The following BRINP2 variants were observed in gnomAD, a reference collection of about 807,000 sequenced individuals.
BRINP2 encodes the protein BMP/retinoic acid inducible neural specific 2, also known as BMP/retinoic acid-inducible neural-specific protein 2.
Under a neutral mutation model 69.2 loss-of-function variants are expected in BRINP2, and 21 were observed. The ratio of observed to expected loss-of-function variants is 0.30; its 90% CI spans 0.22 to 0.44. The LOEUF (loss-of-function observed/expected upper bound fraction) is 0.44, where lower values mean the gene tolerates loss of function less well. BRINP2 is among the 20% of genes least tolerant of loss of function. The probability of loss-of-function intolerance (pLI) is 1.00; values close to 1 mark genes in which losing one functional copy is unlikely to be tolerated. For missense variants in BRINP2, 877 were observed against 986.0 expected (o/e 0.89, Z 1.48); for synonymous variants, 380 against 394.1 (o/e 0.96, Z 0.42).
Position 177,229,831 on chromosome 1 carries a change from G to C in BRINP2, c.-46G>C, listed in dbSNP as rs752035032. On this transcript the variant is annotated 5_prime_UTR_variant, in exon 2 of 8. Coordinates refer to ENST00000361539, the MANE Select transcript of BRINP2 (RefSeq NM_021165.4). ...AGCCCTGGAGGAGCAGCACGGAGCGGGAGAGCGTGGCGAGAGAATGAAGAA... is the reference window on the plus strand; with the variant it reads ...AGCCCTGGAGGAGCAGCACGGAGCGCGAGAGCGTGGCGAGAGAATGAAGAA... 33 of 1,540,688 alleles carry C rather than the reference G, an allele frequency of 2.1e-5. No homozygotes were observed. The highest frequency in any genetic ancestry group is 1.1e-4 in the East Asian group (5 of 43,898).
At chr1:177,237,206 C>A (rs550131378) in intron 2 of BRINP2, among the ~76,000 whole-genome samples, 4 of 152,278 alleles carry the variant, frequency 2.6e-5, no homozygotes, top group South Asian at 4.1e-4. Flanking sequence ...CACACTTGAT[C>A]CTCTCTCAAG....
intron 1 of BRINP2, among the ~76,000 whole-genome samples, chr1:177,215,309 A>AAAATTGG (rs2102313794): frequency 6.6e-6 from 1 of 152,344 alleles, no homozygotes; most frequent in East Asian, 1.9e-4. Context: ...GGATTCTGAT[A>AAAATTGG]GAAATTTTAC....
At chr1:177,244,568 T>C (rs1269225769) in intron 2 of BRINP2, among the ~76,000 whole-genome samples, 1 of 152,210 alleles carries the variant, frequency 6.6e-6, no homozygotes, top group Non-Finnish European at 1.5e-5. Flanking sequence ...AGACAGAGAC[T>C]GCAGTGAGCC....
chr1:177,199,801 C>T (rs1648849179), intron 1 of BRINP2, among the ~76,000 whole-genome samples: 1 of 152,104 alleles, frequency 6.6e-6, no homozygotes, highest in Non-Finnish European at 1.5e-5. Flanking sequence ...TAGCCAAACT[C>T]CTTTCTTTTC....
chr1:177,280,880 G>A lies in BRINP2; in HGVS notation c.1704G>A (p.Leu568=), dbSNP rs1651676830. Residue 568 remains leucine (L), a synonymous_variant, in exon 8 of 8, where the codon TTG becomes TTA. Transcript: ENST00000361539. ...KYKPGLVHVM[L]ALSLQICLTK... ...AGCCTGGGCTGGTGCACGTGATGTT[G>A]GCCTTGTCCTTGCAGATCTGTCTCA... is the stretch of plus-strand genomic sequence containing the variant. 2 of 1,614,048 alleles carry A rather than the reference G, an allele frequency of 1.2e-6. No homozygotes were observed. Among genetic ancestry groups the A allele is most frequent in the African/African-American group, 2.7e-5 (2 of 74,932 alleles).
chr1:177,235,971 C>T lies in BRINP2; in HGVS notation c.269+5826C>T, dbSNP rs1879564. Among the ~76,000 whole-genome samples, 187 of 152,116 alleles carry T rather than the reference C, an allele frequency of 1.2e-3. 2 individuals carry two copies. The East Asian group carries it at 0.019, about 16-fold the overall frequency. On this transcript the variant is annotated intron_variant, in intron 2 of 7. Coordinates refer to ENST00000361539, the MANE Select transcript of BRINP2 (RefSeq NM_021165.4). ...TTTTGACCATGAGGGAGTTTCTTGACGTGGAAGGAGATGAAGGAACGGTAT... is the reference window on the plus strand; with the variant it reads ...TTTTGACCATGAGGGAGTTTCTTGATGTGGAAGGAGATGAAGGAACGGTAT...
At chr1:177,262,185 T>A (rs1010067815) in intron 4 of BRINP2, among the ~76,000 whole-genome samples, 3 of 152,138 alleles carry the variant, frequency 2.0e-5, no homozygotes, top group African/African-American at 7.2e-5. Flanking sequence ...GTTTTTAAGA[T>A]GGGAGCTGTT....
At chr1:177,269,112 C>G (rs1260994012) in intron 4 of BRINP2, among the ~76,000 whole-genome samples, 1 of 152,150 alleles carries the variant, frequency 6.6e-6, no homozygotes, top group Non-Finnish European at 1.5e-5. Flanking sequence ...CCCTGCAGCC[C>G]CCGGATTTCC....
chr1:177,219,929 G>A (rs1649476733), intron 1 of BRINP2, among the ~76,000 whole-genome samples: 1 of 152,226 alleles, frequency 6.6e-6, no homozygotes, highest in Non-Finnish European at 1.5e-5. Flanking sequence ...AGTCTGCTGG[G>A]AGGAGGCAGG....
chr1:177,280,422 T>G lies in BRINP2; in HGVS notation c.1246T>G (p.Tyr416Asp). Residue 416 changes from tyrosine to aspartate, a missense_variant, in exon 8 of 8, where the codon TAC becomes GAC. By Grantham distance (160) the Tyr-to-Asp change is radical. Around this residue, in one of 3 missense-constraint regions of BRINP2, gnomAD observed 566 missense variants for 625.2 expected, o/e 0.91. Transcript: ENST00000361539. ...FRLPKERSLS[Y>D]WWNRIQSLLY... is the part of the protein sequence containing the mutation. ...TCTCTGCTCCCCAAGGTCCTTGTCC[T>G]ACTGGTGGAACCGAATCCAGTCCCT... 6.8e-6 allele frequency: 11 copies of G among 1,607,458 alleles called. No individual in the cohort carries two copies. Among genetic ancestry groups the G allele is most frequent in the Non-Finnish European group, 9.3e-6 (11 of 1,176,588 alleles).
rs201006423 is a variant in BRINP2 at position 177,281,364 on chromosome 1, C to T, written c.2188C>T (p.Leu730Phe). 1.9e-6 allele frequency: 3 copies of T among 1,614,032 alleles called. No homozygotes were observed. The highest frequency in any genetic ancestry group is 3.3e-5 in the Admixed American group (2 of 59,994). ...LIELRDRVNQ[L>F]SPPGKVRLDL... ...TGAGCTCAGGGACCGGGTGAACCAGCTTTCTCCACCTGGCAAAGTCCGACT... is the reference window on the plus strand; with the variant it reads ...TGAGCTCAGGGACCGGGTGAACCAGTTTTCTCCACCTGGCAAAGTCCGACT... Residue 730 changes from leucine (L) to phenylalanine (F), a missense_variant, in exon 8 of 8, where the codon CTT becomes TTT. By Grantham distance (22) the Leu-to-Phe change is conservative. This residue lies in a region of BRINP2 where 225 missense variants were observed against 218.7 expected (regional missense o/e 1.03). Coordinates refer to ENST00000361539, the MANE Select transcript of BRINP2 (RefSeq NM_021165.4).
At chr1:177,247,790 G>A (rs1453490767) in intron 2 of BRINP2, among the ~76,000 whole-genome samples, 7 of 152,200 alleles carry the variant, frequency 4.6e-5, no homozygotes, top group Non-Finnish European at 7.4e-5. Context: ...TCTGAGAAAC[G>A]CAGAATAGTG....
intron 5 of BRINP2, among the ~76,000 whole-genome samples, chr1:177,274,242 G>A (rs946414355): frequency 7.2e-5 from 11 of 152,202 alleles, no homozygotes; most frequent in African/African-American, 2.4e-4. Context: ...AGGGCTAAGG[G>A]GAGACGTGCA....
chr1:177,200,322 A>AAAAAAAAAAAAAAAT (rs1648871974), intron 1 of BRINP2, among the ~76,000 whole-genome samples: 1 of 146,670 alleles, frequency 6.8e-6, no homozygotes, highest in Non-Finnish European at 1.5e-5. Flanking sequence ...AAAAAAAAAA[A>AAAAAAAAAAAAAAAT]GAATGCATTA....
chr1:177,192,090 A>AGT (rs1367337957), intron 1 of BRINP2, among the ~76,000 whole-genome samples: 1 of 152,232 alleles, frequency 6.6e-6, no homozygotes, highest in Non-Finnish European at 1.5e-5. Flanking sequence ...AACATCTTTA[A>AGT]GTGTGGGATT....
intron 4 of BRINP2, among the ~76,000 whole-genome samples, chr1:177,271,937 T>C (rs977809414): frequency 5.3e-5 from 8 of 152,176 alleles, no homozygotes; most frequent in African/African-American, 1.9e-4. Context: ...ACACAATCTC[T>C]CACTTTATCA....
Position 177,281,401 on chromosome 1 carries a change from C to T in BRINP2, c.2225C>T (p.Ser742Phe), listed in dbSNP as rs142577824. 1 of 1,614,018 alleles carries T rather than the reference C, an allele frequency of 6.2e-7. No homozygotes were observed. The highest frequency in any genetic ancestry group is 8.5e-7 in the Non-Finnish European group (1 of 1,180,042). ...GGCAAAGTCCGACTTGACCTTTTCT[C>T]CTGCTTGCTCCGGCATCGGCTTAAG... ...PPGKVRLDLF[S>F]CLLRHRLKLA... The change falls in exon 8 of 8, where the codon TCC becomes TTC. Residue 742 changes from serine (S) to phenylalanine (F), a missense_variant. This residue lies in a region of BRINP2 where 225 missense variants were observed against 218.7 expected (regional missense o/e 1.03). Transcript: ENST00000361539.
chr1:177,262,249 C>T (rs555348713), intron 4 of BRINP2, among the ~76,000 whole-genome samples: 1 of 152,242 alleles, frequency 6.6e-6, no homozygotes, highest in Non-Finnish European at 1.5e-5. Flanking sequence ...CACTGTGGCT[C>T]ATGCCTGTAA....
At chr1:177,277,532 A>C (rs949795082) in intron 6 of BRINP2, among the ~76,000 whole-genome samples, 1 of 151,518 alleles carries the variant, frequency 6.6e-6, no homozygotes, top group African/African-American at 2.4e-5. Flanking sequence ...CTATGCACAT[A>C]CTAGATGTTA....
Sources: gnomAD v4.1 joint callset for allele counts (sites outside exome capture counted in the v4.1 genomes callset) on GRCh38, gnomAD v4.1.1 for gene constraint, gnomAD v4.1.1 regional missense constraint, MANE v1.5 for transcripts, NCBI Gene and HGNC (gene_info 2026-07-23, HGNC 2026-07-21) for gene names.